SEMA6D: variants seen among roughly 807,000 people sequenced by gnomAD.
SEMA6D encodes semaphorin-6D.
A neutral mutation model predicts 106.6 loss-of-function variants in SEMA6D; 35 were observed. That is an observed-to-expected ratio of 0.33 (90% confidence interval 0.25 to 0.44). SEMA6D has a LOEUF of 0.44. Ranked by LOEUF, SEMA6D falls within the 20% of genes least tolerant of loss-of-function variation. The pLI is 1.00. For synonymous variants in SEMA6D, 499 were observed against 487.7 expected, an observed-to-expected ratio of 1.02 and a Z score of -0.31; for missense variants, 1,185 against 1,345.9, an observed-to-expected ratio of 0.88 and a Z score of 1.87.
chr15:47,450,677 G>A (rs1298904367), intron 2 of SEMA6D, among the ~76,000 whole-genome samples: 1 of 152,062 alleles, frequency 6.6e-6, no homozygotes, highest in Non-Finnish European at 1.5e-5. Context: ...AAAAGTGGAA[G>A]GGTAGTTTGA....
chr15:47,451,199 A>G lies in SEMA6D; in HGVS notation c.-158-19275A>G, dbSNP rs181338866. ...AGAAAACACACAGGTTATGGCAAGG[A>G]TTTTACCTGAACACCAAGTACACCC... On this transcript the variant is annotated intron_variant, in intron 2 of 19. Coordinates refer to the SEMA6D transcript ENST00000558014. Among the ~76,000 whole-genome samples the G allele has an allele frequency of 3.3e-5, 5 of 152,118 alleles. No individual in the cohort carries two copies. In the East Asian group the frequency reaches 9.7e-4, roughly 30 times the overall value.
chr15:47,289,828 A>G (rs2035525572), intron 1 of SEMA6D, among the ~76,000 whole-genome samples: 1 of 151,888 alleles, frequency 6.6e-6, no homozygotes, highest in Non-Finnish European at 1.5e-5. Context: ...AGCCTTATGC[A>G]TTCTAGATCA....
chr15:47,689,066 G>A (rs2078530168), intron 4 of SEMA6D, among the ~76,000 whole-genome samples: 1 of 152,180 alleles, frequency 6.6e-6, no homozygotes, highest in African/African-American at 2.4e-5. Flanking sequence ...GGGTCTGGGA[G>A]GCAGTGGCAG....
intron 1 of SEMA6D, among the ~76,000 whole-genome samples, chr15:47,724,096 T>G (rs970529456): frequency 1.3e-5 from 2 of 152,238 alleles, no homozygotes. Context: ...GCAAGCATTT[T>G]TTGGTCTACA....
chr15:47,601,622 T>C (rs1340794506), intron 4 of SEMA6D, among the ~76,000 whole-genome samples: 2 of 152,150 alleles, frequency 1.3e-5, no homozygotes, highest in African/African-American at 2.4e-5. Flanking sequence ...CTAATAAGAT[T>C]GGGGTGGATT....
chr15:47,685,522 G>T (rs2078449238), intron 4 of SEMA6D, among the ~76,000 whole-genome samples: 1 of 152,168 alleles, frequency 6.6e-6, no homozygotes. Flanking sequence ...TTTGTGCACT[G>T]GGTCCATTTC....
chr15:47,651,928 G>A (rs2077699698), intron 4 of SEMA6D, among the ~76,000 whole-genome samples: 1 of 152,156 alleles, frequency 6.6e-6, no homozygotes, highest in Non-Finnish European at 1.5e-5. Context: ...CCCCTGCCTG[G>A]ATATATCTTG....
intron 1 of SEMA6D, among the ~76,000 whole-genome samples, chr15:47,229,040 G>C (rs571863319): frequency 6.6e-6 from 1 of 152,032 alleles, no homozygotes; most frequent in Non-Finnish European, 1.5e-5. Context: ...TTTACACCTA[G>C]GAAACTGAAG....
At chr15:47,694,357 A>G (rs768333227) in intron 4 of SEMA6D, among the ~76,000 whole-genome samples, 1 of 152,104 alleles carries the variant, frequency 6.6e-6, no homozygotes, top group Non-Finnish European at 1.5e-5. Flanking sequence ...TAATATAGAA[A>G]TTCATTGGTC....
chr15:47,227,166 A>G (rs561712889), intron 1 of SEMA6D, among the ~76,000 whole-genome samples: 4 of 152,200 alleles, frequency 2.6e-5, no homozygotes, highest in Non-Finnish European at 4.4e-5. Flanking sequence ...TGAAAGTACA[A>G]TATGATTATT....
At chr15:47,504,616 A>G (rs575273053) in intron 3 of SEMA6D, among the ~76,000 whole-genome samples, 1 of 152,318 alleles carries the variant, frequency 6.6e-6, no homozygotes, top group South Asian at 2.1e-4. Flanking sequence ...TACTTTTGAT[A>G]AAGCTAGAGA....
intron 3 of SEMA6D, among the ~76,000 whole-genome samples, chr15:47,542,024 C>T (rs1166464019): frequency 6.6e-6 from 1 of 152,098 alleles, no homozygotes; most frequent in East Asian, 1.9e-4. Flanking sequence ...ATATACAGAG[C>T]AAGATTGCTG....
intron 1 of SEMA6D, among the ~76,000 whole-genome samples, chr15:47,337,103 A>T (rs755709765): frequency 8.5e-5 from 13 of 152,156 alleles, no homozygotes; most frequent in Non-Finnish European, 1.6e-4. Context: ...ATCAAGGTAG[A>T]GCAAGTAAAT....
chr15:47,307,412 G>A (rs1424872384), intron 1 of SEMA6D, among the ~76,000 whole-genome samples: 1 of 152,214 alleles, frequency 6.6e-6, no homozygotes, highest in African/African-American at 2.4e-5. Flanking sequence ...TGAAGGATGA[G>A]TGGTGATGAA....
chr15:47,549,761 A>G lies in SEMA6D; in HGVS notation c.-86-51104A>G, dbSNP rs80272142. Reference sequence around the variant, plus strand: ...GAAGATGATTATAAACACTTAAGGTATTGATTTGTACAAACCTTCCTGTTT... The same window carrying G: ...GAAGATGATTATAAACACTTAAGGTGTTGATTTGTACAAACCTTCCTGTTT... On this transcript the variant is annotated intron_variant, in intron 3 of 19. Coordinates refer to the SEMA6D transcript ENST00000558014. 1.8e-4 allele frequency among the ~76,000 whole-genome samples: 27 copies of G among 152,312 alleles called. No homozygotes were observed. In the East Asian group the frequency reaches 5.2e-3, roughly 29 times the overall value.
chr15:47,700,087 T>C (rs1409507014), intron 4 of SEMA6D, among the ~76,000 whole-genome samples: 1 of 152,006 alleles, frequency 6.6e-6, no homozygotes, highest in Non-Finnish European at 1.5e-5. Flanking sequence ...AGGTACAAGA[T>C]TTATTTGAGG....
rs185314751 is a variant in SEMA6D at position 47,771,616 on chromosome 15, G to C, written c.3053G>C (p.Ser1018Thr). Reference sequence around the variant, plus strand: ...GACTATATTCAGGGAACACCAGTGAGTGTTCATCTGCAGCCTTCCCTCTCC... The same window carrying C: ...GACTATATTCAGGGAACACCAGTGACTGTTCATCTGCAGCCTTCCCTCTCC... ...KVDYIQGTPV[S>T]VHLQPSLSRQ... The change falls in exon 19 of 19, where the codon AGT becomes ACT. Residue 1018 changes from serine to threonine, a missense_variant. This residue lies in a region of SEMA6D where 750 missense variants were observed against 783.5 expected (regional missense o/e 0.96). Transcript: ENST00000536845. 13 of 1,614,138 alleles carry C rather than the reference G, an allele frequency of 8.1e-6. No individual in the cohort carries two copies. Among genetic ancestry groups the C allele is most frequent in the Admixed American group, 3.3e-5 (2 of 60,014 alleles).
chr15:47,474,704 A>G (rs1567106271), intron 3 of SEMA6D, among the ~76,000 whole-genome samples: 1 of 152,192 alleles, frequency 6.6e-6, no homozygotes, highest in Non-Finnish European at 1.5e-5. Flanking sequence ...AGTGCTTAAT[A>G]TTGAGGCAAA....
chr15:47,330,950 T>G (rs895541999), intron 1 of SEMA6D, among the ~76,000 whole-genome samples: 6 of 152,224 alleles, frequency 3.9e-5, no homozygotes, highest in African/African-American at 1.4e-4. Context: ...GACACTATGC[T>G]GGAAGTGAGT....
Sources: allele counts gnomAD v4.1 joint callset (sites outside exome capture counted in the v4.1 genomes callset), GRCh38; gene constraint gnomAD v4.1.1; regional missense constraint gnomAD v4.1.1; transcripts MANE v1.5; gene names NCBI Gene and HGNC (gene_info 2026-07-23, HGNC 2026-07-21).